ARHGAP10: variants seen among roughly 807,000 people sequenced by gnomAD.
ARHGAP10 encodes the protein Rho GTPase activating protein 10.
Under a neutral mutation model 108.6 loss-of-function variants are expected in ARHGAP10, and 87 were observed. The ratio of observed to expected loss-of-function variants is 0.80; its 90% confidence interval spans 0.67 to 0.96. The LOEUF (loss-of-function observed/expected upper bound fraction) is 0.96. Ranked by LOEUF, ARHGAP10 falls within the 40% of genes least tolerant of loss-of-function variation. The pLI is 0.00. For missense variants in ARHGAP10, 939 were observed against 954.5 expected (o/e 0.98, Z 0.21); for synonymous variants, 347 against 341.1 (o/e 1.02, Z -0.19).
chr4:147,794,654 T>C (rs1171926393), intron 1 of ARHGAP10, among the ~76,000 whole-genome samples: 1 of 152,246 alleles, frequency 6.6e-6, no homozygotes, highest in Admixed American at 6.5e-5. Context: ...TATTTTGTTA[T>C]GTTTCATGCT....
intron 20 of ARHGAP10, among the ~76,000 whole-genome samples, chr4:148,049,254 A>G (rs1729020228): frequency 6.6e-6 from 1 of 152,126 alleles, no homozygotes; most frequent in Admixed American, 6.5e-5. Context: ...TGTAGGTCCG[A>G]GAAGGGTCCT....
intron 3 of ARHGAP10, among the ~76,000 whole-genome samples, chr4:147,825,409 T>G (rs1732668018): frequency 6.6e-6 from 1 of 151,488 alleles, no homozygotes; most frequent in Admixed American, 6.6e-5. Context: ...ATGGCGCCAT[T>G]GCACTCCAGC....
At chr4:147,952,985 C>T (rs1168856665) in intron 15 of ARHGAP10, among the ~76,000 whole-genome samples, 6 of 151,882 alleles carry the variant, frequency 4.0e-5, no homozygotes, top group Non-Finnish European at 8.8e-5. Flanking sequence ...TCCAGTAGTT[C>T]TAGTACGATT....
chr4:147,897,426 G>C (rs12513192), intron 10 of ARHGAP10, among the ~76,000 whole-genome samples: 1 of 151,902 alleles, frequency 6.6e-6, no homozygotes, highest in Non-Finnish European at 1.5e-5. Flanking sequence ...TGTTTGATAC[G>C]TATGGGCTTA....
In ARHGAP10 at chr4:147,905,260, G is replaced by T. The variant is rs1186608556; in HGVS notation, c.1035-1378G>T. ...AATTAGATCCCATTTGTCAATTTTGGCTTTTGTTGCCATTGCTTTTGGTGT... is the reference window on the plus strand; with the variant it reads ...AATTAGATCCCATTTGTCAATTTTGTCTTTTGTTGCCATTGCTTTTGGTGT... On this transcript the variant is annotated intron_variant, in intron 10 of 22. Transcript: ENST00000336498. Among the ~76,000 whole-genome samples the T allele has an allele frequency of 2.2e-3, 328 of 150,556 alleles. 1 individual carries two copies. Among genetic ancestry groups the T allele is most frequent in the African/African-American group, 7.5e-3 (309 of 41,164 alleles).
Position 147,985,122 on chromosome 4 carries a change from G to A in ARHGAP10, c.1716+18283G>A, listed in dbSNP as rs145020343. On this transcript the variant is annotated intron_variant, in intron 18 of 22. Coordinates refer to ENST00000336498, the MANE Select transcript of ARHGAP10 (RefSeq NM_024605.4). The stretch of plus-strand genomic sequence containing the variant: ...CCTCCAGGTGCCAGGAGATCTGCTT[G>A]GGTATGGAGCAGAGAGGGCCCTGCT... Among the ~76,000 whole-genome samples, 7 of 152,308 alleles carry A rather than the reference G, an allele frequency of 4.6e-5. No individual in the cohort carries two copies. In the East Asian group the frequency reaches 1.4e-3, roughly 29 times the overall value.
chr4:148,005,902 C>T (rs951626225), intron 18 of ARHGAP10, among the ~76,000 whole-genome samples: 8 of 152,116 alleles, frequency 5.3e-5, no homozygotes, highest in East Asian at 3.9e-4. Flanking sequence ...TGCAAATTAC[C>T]GTCTCATTAC....
intron 10 of ARHGAP10, among the ~76,000 whole-genome samples, chr4:147,905,083 G>GTT (rs1418156952): frequency 1.3e-5 from 2 of 151,988 alleles, no homozygotes; most frequent in African/African-American, 4.8e-5. Flanking sequence ...GGGGTTGTTT[G>GTT]TTTTTTTCTT....
intron 10 of ARHGAP10, among the ~76,000 whole-genome samples, chr4:147,899,980 T>G (rs1428446796): frequency 2.6e-5 from 4 of 152,126 alleles, no homozygotes; most frequent in Non-Finnish European, 5.9e-5. Flanking sequence ...GTTTATTCAC[T>G]TAAGAGCTAC....
At chr4:147,922,258 G>A (rs1185084557) in intron 13 of ARHGAP10, among the ~76,000 whole-genome samples, 1 of 152,100 alleles carries the variant, frequency 6.6e-6, no homozygotes, top group African/African-American at 2.4e-5. Context: ...GAGGGAGGCA[G>A]GCACTCAGAT....
rs552211757 is a variant in ARHGAP10 at position 148,031,582 on chromosome 4, C to CAGGGA, written c.1867+8171_1867+8172insGGAAG. Among the ~76,000 whole-genome samples, 210 of 152,322 alleles carry CAGGGA rather than the reference C, an allele frequency of 1.4e-3. 2 individuals carry two copies. Among genetic ancestry groups the CAGGGA allele is most frequent in the African/African-American group, 4.1e-3 (170 of 41,578 alleles). ...GTGAACTTCTCTTCCCTGGAGTCAA[C>CAGGGA]AGACATTGCCATTTGTCTTGTGGTT... On this transcript the variant is annotated intron_variant, in intron 19 of 22. Transcript: ENST00000336498.
chr4:148,068,709 GCCCA>G (rs1730014571), intron 22 of ARHGAP10, among the ~76,000 whole-genome samples: 1 of 152,184 alleles, frequency 6.6e-6, no homozygotes, highest in African/African-American at 2.4e-5. Flanking sequence ...ATAGGACAGA[GCCCA>G]GGACGCAGCC....
chr4:148,015,794 T>C (rs889648575), intron 18 of ARHGAP10, among the ~76,000 whole-genome samples: 1 of 152,224 alleles, frequency 6.6e-6, no homozygotes, highest in Non-Finnish European at 1.5e-5. Flanking sequence ...TTTGGCCATT[T>C]TGTAACTATG....
At chr4:147,988,694 G>A (rs897700138) in intron 18 of ARHGAP10, among the ~76,000 whole-genome samples, 1 of 152,144 alleles carries the variant, frequency 6.6e-6, no homozygotes, top group African/African-American at 2.4e-5. Context: ...AAAAAAATGG[G>A]GTCTAGAACA....
intron 3 of ARHGAP10, among the ~76,000 whole-genome samples, chr4:147,836,615 T>C (rs907524357): frequency 2.0e-5 from 3 of 149,862 alleles, no homozygotes; most frequent in Non-Finnish European, 4.5e-5. Context: ...CCTGAGCACC[T>C]GTGTCCCAGT....
chr4:147,755,230 T>C (rs1351668038), intron 1 of ARHGAP10, among the ~76,000 whole-genome samples: 1 of 152,156 alleles, frequency 6.6e-6, no homozygotes, highest in Non-Finnish European at 1.5e-5. Flanking sequence ...TATCATTTTG[T>C]TCTCATTAAA....
chr4:147,819,004 C>G (rs1732376149), intron 1 of ARHGAP10, among the ~76,000 whole-genome samples: 1 of 152,106 alleles, frequency 6.6e-6, no homozygotes, highest in African/African-American at 2.4e-5. Context: ...AATGATATAA[C>G]TATAATTCTT....
At chr4:147,937,708 A>G (rs1033191465) in intron 13 of ARHGAP10, among the ~76,000 whole-genome samples, 20 of 152,176 alleles carry the variant, frequency 1.3e-4, no homozygotes, top group African/African-American at 4.6e-4. Context: ...GGTCAGGCGT[A>G]TTGGCTCATG....
intron 12 of ARHGAP10, among the ~76,000 whole-genome samples, chr4:147,912,037 G>A (rs192615884): frequency 0.012 from 1,321 of 114,764 alleles, 23 homozygotes; most frequent in African/African-American, 0.034. Context: ...GTGTGTGTGT[G>A]TGTATAGTTT....
Sources: allele counts gnomAD v4.1 joint callset (sites outside exome capture counted in the v4.1 genomes callset), GRCh38; gene constraint gnomAD v4.1.1; transcripts MANE v1.5; gene names NCBI Gene and HGNC (gene_info 2026-07-23, HGNC 2026-07-21).